AP3B2: variants seen among roughly 807,000 people sequenced by gnomAD.
AP3B2 encodes the protein adaptor related protein complex 3 subunit beta 2.
Under a neutral mutation model 126.9 loss-of-function variants are expected in AP3B2, and 50 were observed. The ratio of observed to expected loss-of-function variants is 0.39; its 90% confidence interval spans 0.31 to 0.50. The LOEUF (loss-of-function observed/expected upper bound fraction) is 0.50. Ranked by LOEUF, AP3B2 falls within the 20% of genes least tolerant of loss-of-function variation. The pLI, the probability that AP3B2 is intolerant of heterozygous loss-of-function variation, is 0.79. For synonymous variants in AP3B2, 541 were observed against 565.0 expected, an observed-to-expected ratio of 0.96 and a Z score of 0.60; for missense variants, 1,177 against 1,426.4, an observed-to-expected ratio of 0.83 and a Z score of 2.82.
At chr15:82,678,880 T>C (rs971395048) in intron 10 of AP3B2, among the ~76,000 whole-genome samples, 4 of 152,152 alleles carry the variant, frequency 2.6e-5, no homozygotes, top group Non-Finnish European at 5.9e-5. Context: ...TAGAACATAG[T>C]GGATGTTCAC....
In AP3B2 at chr15:82,680,762, G is replaced by A. The variant is rs757047154; in HGVS notation, c.772-7C>T. On this transcript the variant is annotated splice_region_variant and splice_polypyrimidine_tract_variant and intron_variant, in intron 7 of 26. Transcript: ENST00000535359. This position sits in a 1 kb window ranked among gnomAD's most constrained non-coding sequence, Gnocchi z 6.1. The stretch of plus-strand genomic sequence containing the variant: ...TCTCCTCTAGTAGGGATTCCTGGAC[G>A]GGGAGACCGACGGGTCTGTGGGCGC... 1.3e-6 allele frequency: 2 copies of A among 1,593,124 alleles called. No homozygotes were observed. The highest frequency in any genetic ancestry group is 1.3e-5 in the African/African-American group (1 of 74,474).
intron 1 of AP3B2, among the ~76,000 whole-genome samples, chr15:82,700,397 C>CTTTTTGTTTTTTTTTTTTTTTTTTTTT (rs2048700177): frequency 2.9e-5 from 1 of 35,086 alleles, no homozygotes; most frequent in African/African-American, 1.0e-4. Context: ...TGGTGGGTGG[C>CTTTTTGTTTTTTTTTTTTTTTTTTTTT]TTTTTTTTTT....
rs375674863 is a variant in AP3B2, at chr15:82,678,091, G to A, written c.1245+14C>T. The stretch of plus-strand genomic sequence containing the variant: ...CCCTCTCCCAGGCCCTTCTGGCTGG[G>A]AGCTGGCCTGTACCTGGAATTCCCG... On this transcript the variant is annotated intron_variant, in intron 11 of 26. Coordinates refer to ENST00000535359, the MANE Select transcript of AP3B2 (RefSeq NM_001278512.2). 6.2e-6 allele frequency: 10 copies of A among 1,613,312 alleles called. No homozygotes were observed. The highest frequency in any genetic ancestry group is 1.7e-5 in the Admixed American group (1 of 59,946).
rs753249898 is a variant in AP3B2, at chr15:82,709,609, G to A, written c.98C>T (p.Ser33Phe). The A allele has an allele frequency of 1.1e-5, 16 of 1,512,394 alleles. No homozygotes were observed. In the Admixed American group the frequency reaches 1.9e-4, roughly 18 times the overall value. 93.7% of individuals were successfully genotyped at this position (1,512,394 alleles called of 1,614,324 possible). A position where few individuals can be genotyped will look rare whatever the true frequency, so the allele number is the denominator to read the frequency against. Reference sequence around the variant, plus strand: ...GCTCCCTCACCGCTTGTAGTCGGAGGAGAAGATGCCGCCGCTCGCGGGGTC... The same window carrying A: ...GCTCCCTCACCGCTTGTAGTCGGAGAAGAAGATGCCGCCGCTCGCGGGGTC... ...GHDPASGGIF[S>F]SDYKRHDDLK... The change falls in exon 1 of 27, where the codon TCC becomes TTC. Residue 33 changes from serine (S) to phenylalanine (F), a missense_variant. Physicochemically the swap from Ser to Phe is radical, Grantham distance 155. Transcript: ENST00000535359.
In AP3B2 at chr15:82,664,705, A is replaced by G. The variant is rs1301992514; in HGVS notation, c.2137+130T>C. On this transcript the variant is annotated intron_variant, in intron 18 of 26. Transcript: ENST00000535359. This position sits in a 1 kb window ranked among gnomAD's most constrained non-coding sequence, Gnocchi z 4.5. ...CACACACCTGGAACATGAATCCCTCAGGTGCACAAACAATTCACAAGCAGG... is the reference window on the plus strand; with the variant it reads ...CACACACCTGGAACATGAATCCCTCGGGTGCACAAACAATTCACAAGCAGG... The G allele has an allele frequency of 3.3e-6, 3 of 897,456 alleles. No homozygotes were observed. Among genetic ancestry groups the G allele is most frequent in the Admixed American group, 2.3e-5 (1 of 42,560 alleles). The allele number at this position is 897,456 out of a possible 1,614,324, so 55.6% of individuals were successfully genotyped here.
At chr15:82,692,313 T>C (rs2151452827) in intron 1 of AP3B2, 1 of 615,948 alleles carries the variant, frequency 1.6e-6, no homozygotes. Flanking sequence ...CTCGCGCACG[T>C]TGGAAGGCTC....
chr15:82,700,618 CA>C (rs371595616), intron 1 of AP3B2, among the ~76,000 whole-genome samples: 398 of 151,190 alleles, frequency 2.6e-3, no homozygotes, highest in African/African-American at 9.1e-3. Context: ...AGGCTGGTCT[CA>C]AACTCCCAAC....
chr15:82,665,634 G>A lies in AP3B2; in HGVS notation c.1853-59C>T. ...GCAGTGAGGGAAAGCTCTGGGAGCT[G>A]TTTTCCAGGTGGGGCTGGGTGGTGA... On this transcript the variant is annotated intron_variant, in intron 15 of 26. Coordinates refer to ENST00000535359, the MANE Select transcript of AP3B2 (RefSeq NM_001278512.2). This position sits in a 1 kb window ranked among gnomAD's most constrained non-coding sequence, Gnocchi z 4.4. 1 of 1,391,186 alleles carries A rather than the reference G, an allele frequency of 7.2e-7. No homozygotes were observed. Among genetic ancestry groups the A allele is most frequent in the South Asian group, 1.2e-5 (1 of 83,286 alleles). The allele number at this position is 1,391,186 out of a possible 1,614,324, so 86.2% of individuals were successfully genotyped here.
At chr15:82,676,092 A>C (rs1187232094) in intron 14 of AP3B2, among the ~76,000 whole-genome samples, 1 of 152,164 alleles carries the variant, frequency 6.6e-6, no homozygotes, top group African/African-American at 2.4e-5. Flanking sequence ...CTTTGGAAAG[A>C]AGCACAGACC....
At chr15:82,694,377 C>G (rs1050123395) in intron 1 of AP3B2, among the ~76,000 whole-genome samples, 1 of 151,588 alleles carries the variant, frequency 6.6e-6, no homozygotes, top group East Asian at 1.9e-4. Context: ...TACTAGCTTC[C>G]TAGAACCACC....
intron 14 of AP3B2, among the ~76,000 whole-genome samples, chr15:82,671,759 A>G (rs930196636): frequency 5.4e-5 from 8 of 148,146 alleles, no homozygotes; most frequent in Admixed American, 2.7e-4. Context: ...AACACTACAA[A>G]TAGGCCAGGT....
At chr15:82,679,625 G>T in intron 10 of AP3B2, 104 bp downstream of exon 10, 1 of 1,091,950 alleles carries the variant, frequency 9.2e-7, no homozygotes, top group Non-Finnish European at 1.4e-6. Context: ...CCTGGGCTCA[G>T]CCCCAGGAAT....
At chr15:82,702,626 T>C (rs576927569) in intron 1 of AP3B2, among the ~76,000 whole-genome samples, 12 of 147,726 alleles carry the variant, frequency 8.1e-5, no homozygotes, top group African/African-American at 3.0e-4. Flanking sequence ...AATTGTCCAC[T>C]ACCTACCCAA....
At chr15:82,685,358 A>C (rs1010468179) in intron 4 of AP3B2, 4 of 152,234 alleles carry the variant, frequency 2.6e-5, no homozygotes, top group Non-Finnish European at 5.9e-5. Flanking sequence ...TGCAAAGTGC[A>C]ATACAATGAG....
At chr15:82,707,543 GTT>G (rs1312179995) in intron 1 of AP3B2, among the ~76,000 whole-genome samples, 2 of 152,126 alleles carry the variant, frequency 1.3e-5, no homozygotes. Context: ...GGTTTACACT[GTT>G]TCTCCAAACC....
chr15:82,692,220 G>A, intron 1 of AP3B2: 1 of 1,193,810 alleles, frequency 8.4e-7, no homozygotes, highest in Non-Finnish European at 1.2e-6. Context: ...GCGCACCAAG[G>A]CGAAGGGCAC....
intron 14 of AP3B2, among the ~76,000 whole-genome samples, chr15:82,669,347 C>G (rs1036154181): frequency 6.6e-6 from 1 of 152,188 alleles, no homozygotes; most frequent in Non-Finnish European, 1.5e-5. Flanking sequence ...CACCAAAAAA[C>G]TATTAGAACT....
Position 82,663,630 on chromosome 15 carries a change from A to G in AP3B2, c.2437-10T>C, listed in dbSNP as rs2047996439. On this transcript the variant is annotated splice_polypyrimidine_tract_variant and intron_variant, in intron 20 of 26. Transcript: ENST00000535359. ...TTTTGCTGCTGGGAGGCTGAAAGAG[A>G]AAAATGGGATGTGGGTGTGGGGAAG... The G allele has an allele frequency of 6.2e-7, 1 of 1,613,756 alleles. No individual in the cohort carries two copies. Among genetic ancestry groups the G allele is most frequent in the Non-Finnish European group, 8.5e-7 (1 of 1,179,790 alleles).
rs2048306314 is a variant in AP3B2 at position 82,680,008 on chromosome 15, C to A, written c.1110+167G>T. Among the ~76,000 whole-genome samples the A allele has an allele frequency of 6.6e-6, 1 of 152,158 alleles. No homozygotes were observed. Among genetic ancestry groups the A allele is most frequent in the African/African-American group, 2.4e-5 (1 of 41,446 alleles). ...CCTCAGCGGCCCCTCAGGATCCAGG[C>A]CCTGCTCCCTATCTGTATTTGGAGC... On this transcript the variant is annotated intron_variant, in intron 9 of 26. Transcript: ENST00000535359. This position sits in a 1 kb window ranked among gnomAD's most constrained non-coding sequence, Gnocchi z 6.1.
Sources: allele counts gnomAD v4.1 joint callset (sites outside exome capture counted in the v4.1 genomes callset), GRCh38; gene constraint gnomAD v4.1.1; non-coding constraint Gnocchi (gnomAD v3.1); transcripts MANE v1.5; gene names NCBI Gene and HGNC (gene_info 2026-07-23, HGNC 2026-07-21).